The following PKP1 variants were observed in gnomAD, a reference collection of about 807,000 sequenced individuals.
PKP1 encodes plakophilin-1.
PKP1 carries 27 observed loss-of-function variants against 76.4 expected under a neutral mutation model. That is an observed-to-expected ratio of 0.35 (90% confidence interval 0.26 to 0.49). The LOEUF (loss-of-function observed/expected upper bound fraction) is 0.49. Ranked by LOEUF, PKP1 falls within the 20% of genes least tolerant of loss-of-function variation. The pLI is 0.99. For missense variants in PKP1, 964 were observed against 955.2 expected, an observed-to-expected ratio of 1.01 and a Z score of -0.12; for synonymous variants, 404 against 384.2, an observed-to-expected ratio of 1.05 and a Z score of -0.60.
chr1:201,306,348 C>A (rs76906332), intron 2 of PKP1, among the ~76,000 whole-genome samples: 1 of 152,326 alleles, frequency 6.6e-6, no homozygotes, highest in East Asian at 1.9e-4. Context: ...CGTGTTGTCC[C>A]CACACCAGGC....
intron 1 of PKP1, among the ~76,000 whole-genome samples, chr1:201,287,902 T>A (rs1415051502): frequency 6.6e-6 from 1 of 152,254 alleles, no homozygotes; most frequent in Non-Finnish European, 1.5e-5. Context: ...GATATCTTCA[T>A]GTGAAGTTCC....
intron 8 of PKP1, 97 bp from the exon 9 acceptor site, chr1:201,322,916 C>T: frequency 7.4e-7 from 1 of 1,350,332 alleles, no homozygotes; most frequent in Non-Finnish European, 1.0e-6. Context: ...TATCTGGAAC[C>T]ACGACCCTGA....
chr1:201,304,407 A>T (rs1346848016), intron 2 of PKP1, among the ~76,000 whole-genome samples: 2 of 152,102 alleles, frequency 1.3e-5, no homozygotes, highest in Non-Finnish European at 2.9e-5. Flanking sequence ...CCCATCACTC[A>T]CTGCACCTTC....
intron 8 of PKP1, among the ~76,000 whole-genome samples, chr1:201,322,515 C>T (rs112147645): frequency 1.3e-5 from 2 of 152,172 alleles, no homozygotes; most frequent in African/African-American, 4.8e-5. Flanking sequence ...CCCACCATCT[C>T]CTGAGCCCTG....
intron 1 of PKP1, among the ~76,000 whole-genome samples, chr1:201,286,843 C>A (rs961072331): frequency 1.3e-5 from 2 of 152,124 alleles, no homozygotes; most frequent in Non-Finnish European, 2.9e-5. Flanking sequence ...AAGATCTTTG[C>A]CAGGGAAATG....
chr1:201,293,865 A>G, intron 1 of PKP1, 77 bp from the exon 2 acceptor site: 1 of 943,306 alleles, frequency 1.1e-6, no homozygotes, highest in Non-Finnish European at 1.7e-6. Flanking sequence ...ACCTGGATGC[A>G]GAAGTGATGC....
intron 13 of PKP1, 84 bp downstream of exon 13, chr1:201,328,952 G>A: frequency 2.3e-6 from 2 of 872,160 alleles, no homozygotes; most frequent in Non-Finnish European, 3.9e-6. Context: ...CTAGGCCTGT[G>A]CTCCCAGGGA....
chr1:201,300,296 C>T (rs1008885921), intron 2 of PKP1, among the ~76,000 whole-genome samples: 1 of 152,242 alleles, frequency 6.6e-6, no homozygotes, highest in South Asian at 2.1e-4. Context: ...CTGTATTAAA[C>T]TGAAGGAGAA....
intron 2 of PKP1, among the ~76,000 whole-genome samples, chr1:201,301,926 G>A (rs854498): frequency 0.49 from 74,971 of 152,038 alleles, 22,433 homozygotes; most frequent in East Asian, 0.73. Context: ...CATTGAAGGC[G>A]TGGGACCAGA....
At chr1:201,313,673 T>C (rs573660416) in intron 3 of PKP1, 113 bp downstream of exon 3, 1 of 1,181,110 alleles carries the variant, frequency 8.5e-7, no homozygotes, top group South Asian at 1.5e-5. Flanking sequence ...ACATAGCTTC[T>C]GTCCCTGGGG....
chr1:201,297,102 A>T (rs1401604552), intron 2 of PKP1, among the ~76,000 whole-genome samples: 1 of 152,214 alleles, frequency 6.6e-6, no homozygotes, highest in Non-Finnish European at 1.5e-5. Context: ...AACAATCATC[A>T]TACTATTTAT....
chr1:201,293,152 G>A (rs1655970061), intron 1 of PKP1, among the ~76,000 whole-genome samples: 2 of 152,336 alleles, frequency 1.3e-5, no homozygotes, highest in Non-Finnish European at 2.9e-5. Context: ...ACAGTGAACA[G>A]ACCAGCTTGT....
At chr1:201,311,785 G>T (rs1227436084) in intron 2 of PKP1, among the ~76,000 whole-genome samples, 1 of 152,222 alleles carries the variant, frequency 6.6e-6, no homozygotes, top group Non-Finnish European at 1.5e-5. Flanking sequence ...TCCCAAGTCA[G>T]CACCTGTGTG....
chr1:201,314,859 G>A (rs1656677561), intron 3 of PKP1, among the ~76,000 whole-genome samples: 1 of 152,250 alleles, frequency 6.6e-6, no homozygotes, highest in Non-Finnish European at 1.5e-5. Context: ...TTTTCTGAGA[G>A]CCTCAGGAGC....
At position 201,328,764 on chromosome 1, in the gene PKP1, A is replaced by G. The variant is rs1195498704; in HGVS notation, c.2109A>G (p.Gln703=). ...SKELQGVLRQ[Q]GFDRNMLGTL... is the part of the protein sequence containing the mutation. ...GGTTGCTGTTTCTCCCTTTGCAGCA[A>G]GGTTTCGATAGGAACATGCTGGGAA... The change falls in exon 13 of 14, where the codon CAA becomes CAG. Residue 703 remains glutamine (Q), a splice_region_variant and synonymous_variant. Coordinates refer to ENST00000367324, the MANE Select transcript of PKP1 (RefSeq NM_001005337.3). 1 of 1,614,124 alleles carries G rather than the reference A, an allele frequency of 6.2e-7. No homozygotes were observed. Among genetic ancestry groups the G allele is most frequent in the African/African-American group, 1.3e-5 (1 of 75,056 alleles).
chr1:201,312,356 A>G (rs1337877426), intron 2 of PKP1, among the ~76,000 whole-genome samples: 1 of 152,188 alleles, frequency 6.6e-6, no homozygotes, highest in African/African-American at 2.4e-5. Flanking sequence ...TGGCTGTGTG[A>G]GAAGCTGCTG....
chr1:201,324,339 G>C, intron 9 of PKP1, 89 bp from the exon 10 acceptor site: 11 of 1,365,586 alleles, frequency 8.1e-6, no homozygotes, highest in Non-Finnish European at 1.1e-5. Context: ...GTTCTGGGAT[G>C]TCTGCCTTTG....
rs556804191 is a variant in PKP1, at chr1:201,329,536, A to T, written c.*33-538A>T. Among the ~76,000 whole-genome samples, 3 of 152,300 alleles carry T rather than the reference A, an allele frequency of 2.0e-5. No homozygotes were observed. The East Asian group carries it at 5.8e-4, about 29-fold the overall frequency. ...GGTAAACTGAGAATCACAAATAGAGATACTCCAGCCAGATGTCATCACCCC... is the reference window on the plus strand; with the variant it reads ...GGTAAACTGAGAATCACAAATAGAGTTACTCCAGCCAGATGTCATCACCCC... On this transcript the variant is annotated intron_variant, in intron 13 of 13. Transcript: ENST00000367324.
At chr1:201,290,896 A>T (rs1447301022) in intron 1 of PKP1, among the ~76,000 whole-genome samples, 2 of 152,200 alleles carry the variant, frequency 1.3e-5, no homozygotes, top group Non-Finnish European at 2.9e-5. Flanking sequence ...TTCTAGAGAC[A>T]TCGGGGACCA....
Sources: gnomAD v4.1 joint callset for allele counts (sites outside exome capture counted in the v4.1 genomes callset) on GRCh38, gnomAD v4.1.1 for gene constraint, MANE v1.5 for transcripts, NCBI Gene and HGNC (gene_info 2026-07-23, HGNC 2026-07-21) for gene names.